Variants in METTL15 observed in about 807,000 individuals in gnomAD.
The protein encoded by METTL15 is methyltransferase 15, mitochondrial 12S rRNA N4-cytidine.
A neutral mutation model predicts 38.3 loss-of-function variants in METTL15; 34 were observed. The observed-to-expected ratio is 0.89, with a 90% CI of 0.68 to 1.18. The LOEUF (loss-of-function observed/expected upper bound fraction) is 1.18. Among genes scored for constraint, METTL15 ranks in the 50% most tolerant of loss-of-function variants. The pLI, the probability that METTL15 is intolerant of heterozygous loss-of-function variation, is 0.00. For missense variants in METTL15, 438 were observed against 498.4 expected (o/e 0.88, Z 1.15); for synonymous variants, 162 against 170.9 (o/e 0.95, Z 0.41).
intron 3 of METTL15, among the ~76,000 whole-genome samples, chr11:28,207,739 T>C (rs1852419633): frequency 1.3e-5 from 2 of 152,174 alleles, no homozygotes; most frequent in Non-Finnish European, 2.9e-5. Flanking sequence ...CATCTGGTCC[T>C]GGACCCTTTT....
intron 4 of METTL15, among the ~76,000 whole-genome samples, chr11:28,355,010 C>T (rs1850077721): frequency 6.6e-6 from 1 of 152,170 alleles, no homozygotes; most frequent in East Asian, 1.9e-4. Context: ...GTGAAGAGTG[C>T]ATCTCTGGGA....
At chr11:28,425,693 T>C (rs1850857833) in intron 6 of METTL15, among the ~76,000 whole-genome samples, 1 of 152,210 alleles carries the variant, frequency 6.6e-6, no homozygotes, top group South Asian at 2.1e-4. Context: ...TTTCTACCTT[T>C]AATGCATCGT....
intron 3 of METTL15, among the ~76,000 whole-genome samples, chr11:28,173,467 A>C (rs1850935210): frequency 1.3e-5 from 2 of 152,218 alleles, no homozygotes; most frequent in Non-Finnish European, 2.9e-5. Flanking sequence ...CCAGAACTGC[A>C]AGAAATAAAT....
At chr11:28,406,077 C>T (rs1850671120) in intron 5 of METTL15, among the ~76,000 whole-genome samples, 1 of 152,078 alleles carries the variant, frequency 6.6e-6, no homozygotes, top group South Asian at 2.1e-4. Flanking sequence ...TCAGGATTGT[C>T]TTGGCTATCT....
At chr11:28,296,594 GTC>G (rs1263194312) in intron 5 of METTL15, among the ~76,000 whole-genome samples, 157 bp from the exon 6 acceptor site, 1 of 152,094 alleles carries the variant, frequency 6.6e-6, no homozygotes, top group Non-Finnish European at 1.5e-5. Flanking sequence ...GAAATAGAAA[GTC>G]TATTTCATTT....
chr11:28,377,116 G>T (rs952662061), intron 5 of METTL15, among the ~76,000 whole-genome samples: 26 of 143,318 alleles, frequency 1.8e-4, no homozygotes, highest in Non-Finnish European at 3.2e-4. Context: ...TTCAACTTTG[G>T]TGAATCTGAC....
rs573092491 is a variant in METTL15, at chr11:28,439,144, G to A, written c.*424+14780G>A. 1.5e-3 allele frequency among the ~76,000 whole-genome samples: 232 copies of A among 152,230 alleles called. 1 individual carries two copies. Among genetic ancestry groups the A allele is most frequent in the African/African-American group, 4.4e-3 (184 of 41,542 alleles). ...TGGATTTTTGTTCAGTCTTAGATGA[G>A]CATTTTCTCTTTTGCAATAACTTGT... On this transcript the variant is annotated intron_variant and NMD_transcript_variant, in intron 6 of 7. Transcript: ENST00000532947.
chr11:28,191,425 T>G (rs1241281255), intron 3 of METTL15, among the ~76,000 whole-genome samples: 4 of 151,588 alleles, frequency 2.6e-5, no homozygotes, highest in Middle Eastern at 3.4e-3. Flanking sequence ...ATAGAAGATC[T>G]GAGTTTTATT....
chr11:28,136,134 G>A (rs1356549259), intron 3 of METTL15, among the ~76,000 whole-genome samples: 3 of 152,170 alleles, frequency 2.0e-5, no homozygotes, highest in South Asian at 4.1e-4. Flanking sequence ...GTCCAGGGTA[G>A]TTACCTCAAA....
In METTL15 at chr11:28,332,607, A is replaced by C. The variant is rs1849845964; in HGVS notation, c.*1766A>C. 6.8e-6 allele frequency: 1 copy of C among 148,048 alleles called. No individual in the cohort carries two copies. The highest frequency in any genetic ancestry group is 1.5e-5 in the Non-Finnish European group (1 of 67,548). 9.2% of individuals were successfully genotyped at this position (148,048 alleles called of 1,614,324 possible). On this transcript the variant is annotated 3_prime_UTR_variant, in exon 7 of 7. Transcript: ENST00000407364. ...GTTGTGGTTGTAAGTAGCTAAGATG[A>C]GGTCATACTGGAGCAGGGCAGGCCC...
At chr11:28,255,908 G>A (rs1324602910) in intron 4 of METTL15, among the ~76,000 whole-genome samples, 2 of 152,100 alleles carry the variant, frequency 1.3e-5, no homozygotes, top group Admixed American at 6.6e-5. Context: ...TCTCCATGTT[G>A]GTCAGGCTGG....
At chr11:28,131,342 T>G (rs930134781) in intron 3 of METTL15, among the ~76,000 whole-genome samples, 1 of 152,150 alleles carries the variant, frequency 6.6e-6, no homozygotes, top group African/African-American at 2.4e-5. Flanking sequence ...TTAGCTTCTT[T>G]CCTCGCACCA....
chr11:28,525,833 C>A (rs113929635), intron 6 of METTL15, among the ~76,000 whole-genome samples: 3 of 152,214 alleles, frequency 2.0e-5, no homozygotes, highest in Non-Finnish European at 4.4e-5. Context: ...TGGGACTGGG[C>A]GCTGTGGAGC....
At chr11:28,389,370 G>C (rs1228958131) in intron 5 of METTL15, among the ~76,000 whole-genome samples, 5 of 139,606 alleles carry the variant, frequency 3.6e-5, no homozygotes, top group African/African-American at 1.3e-4. Context: ...TCCTAATGCT[G>C]TCCCTCCCCC....
At chr11:28,455,884 T>C (rs1186126439) in intron 6 of METTL15, among the ~76,000 whole-genome samples, 1 of 151,690 alleles carries the variant, frequency 6.6e-6, no homozygotes, top group African/African-American at 2.4e-5. Flanking sequence ...TTTTTTGTAT[T>C]TTTAGTAGAG....
intron 3 of METTL15, among the ~76,000 whole-genome samples, chr11:28,159,705 A>G (rs1054607622): frequency 6.6e-6 from 1 of 152,206 alleles, no homozygotes; most frequent in African/African-American, 2.4e-5. Context: ...TTGACTTCAC[A>G]TCAGAATTTA....
rs540446683 is a variant in METTL15, at chr11:28,213,897, C to T, written c.407+2699C>T. On this transcript the variant is annotated intron_variant, in intron 4 of 6. Coordinates refer to ENST00000407364, the MANE Select transcript of METTL15 (RefSeq NM_001113528.2). Reference sequence around the variant, plus strand: ...GTCTCGATCTCCTGACCTCATGATCCGCCCGCCTCGGCCTCCCAAAGTGCT... The same window carrying T: ...GTCTCGATCTCCTGACCTCATGATCTGCCCGCCTCGGCCTCCCAAAGTGCT... Among the ~76,000 whole-genome samples the T allele has an allele frequency of 7.4e-3, 1,127 of 151,974 alleles. 22 individuals are homozygous for T. Among genetic ancestry groups the T allele is most frequent in the Non-Finnish European group, 6.7e-3 (456 of 67,946 alleles).
chr11:28,259,923 C>A (rs896282479), intron 4 of METTL15, among the ~76,000 whole-genome samples: 3 of 152,128 alleles, frequency 2.0e-5, no homozygotes, highest in African/African-American at 7.2e-5. Context: ...TTCCACTTCC[C>A]CAACAAGTCC....
chr11:28,144,635 G>T lies in METTL15; in HGVS notation c.270+31031G>T, dbSNP rs1849816453. 2.6e-5 allele frequency among the ~76,000 whole-genome samples: 4 copies of T among 151,984 alleles called. 1 individual carries two copies. The South Asian group carries it at 8.3e-4, about 32-fold the overall frequency. On this transcript the variant is annotated intron_variant, in intron 3 of 6. Coordinates refer to ENST00000407364, the MANE Select transcript of METTL15 (RefSeq NM_001113528.2). ...GGTTTAGATATATATATGTGCGTGT[G>T]TGTAATTTTTGGTGGATATAGTGAA...
Sources: allele counts gnomAD v4.1 joint callset (sites outside exome capture counted in the v4.1 genomes callset), GRCh38; gene constraint gnomAD v4.1.1; transcripts MANE v1.5; gene names NCBI Gene and HGNC (gene_info 2026-07-23, HGNC 2026-07-21).